Variants in BCKDHB observed in about 807,000 individuals in gnomAD.
BCKDHB encodes 2-oxoisovalerate dehydrogenase subunit beta, mitochondrial.
A neutral mutation model predicts 48.5 loss-of-function variants in BCKDHB; 41 were observed. The ratio of observed to expected loss-of-function variants is 0.85; its 90% confidence interval spans 0.66 to 1.10. BCKDHB has a LOEUF of 1.10. Among genes scored for constraint, BCKDHB ranks in the 50% least tolerant of loss-of-function variants. BCKDHB has a pLI of 0.00. For missense variants in BCKDHB, 496 were observed against 494.2 expected, an observed-to-expected ratio of 1.00 and a Z score of -0.03; for synonymous variants, 201 against 174.8, an observed-to-expected ratio of 1.15 and a Z score of -1.18.
intron 8 of BCKDHB, among the ~76,000 whole-genome samples, chr6:80,223,519 T>C (rs181315517): frequency 6.4e-4 from 97 of 152,330 alleles, no homozygotes; most frequent in African/African-American, 2.3e-3. Flanking sequence ...GCTCTTACTA[T>C]TTTTTCTTTA....
At chr6:80,162,306 A>G (rs1318705821) in intron 3 of BCKDHB, among the ~76,000 whole-genome samples, 1 of 152,198 alleles carries the variant, frequency 6.6e-6, no homozygotes, top group African/African-American at 2.4e-5. Flanking sequence ...ATAAGCTCTT[A>G]TCACTGCATA....
At chr6:80,314,678 C>T (rs779505653) in intron 9 of BCKDHB, among the ~76,000 whole-genome samples, 3 of 152,178 alleles carry the variant, frequency 2.0e-5, no homozygotes, top group Non-Finnish European at 2.9e-5. Context: ...CTTCAAAGCC[C>T]GCAGGCTGGA....
At chr6:80,409,378 G>A in the BCKDHB span, among the ~76,000 whole-genome samples, 1 of 151,488 alleles carries the variant, frequency 6.6e-6, no homozygotes, top group Non-Finnish European at 1.5e-5. Context: ...GGAGAGTTCT[G>A]TAGATGTCTA....
chr6:80,425,013 G>A, the BCKDHB span, among the ~76,000 whole-genome samples: 2 of 152,274 alleles, frequency 1.3e-5, no homozygotes, highest in Non-Finnish European at 1.5e-5. Flanking sequence ...ATGCAAAGAA[G>A]AGGAATGGCC....
intron 3 of BCKDHB, among the ~76,000 whole-genome samples, chr6:80,160,172 T>C (rs1772242026): frequency 6.6e-6 from 1 of 152,188 alleles, no homozygotes; most frequent in South Asian, 2.1e-4. Flanking sequence ...CTTTTTCGTT[T>C]TCTTTTTTTT....
intron 9 of BCKDHB, among the ~76,000 whole-genome samples, chr6:80,336,486 C>CAA (rs145593158): frequency 7.4e-6 from 1 of 134,906 alleles, no homozygotes; most frequent in African/African-American, 2.7e-5. Context: ...GAAATCTTAG[C>CAA]AAAAAAAACC....
intron 1 of BCKDHB, among the ~76,000 whole-genome samples, chr6:80,126,593 C>T (rs776781240): frequency 5.3e-5 from 8 of 152,062 alleles, no homozygotes; most frequent in Non-Finnish European, 1.2e-4. Context: ...CGACTACCAG[C>T]GTGTAGATCA....
intron 1 of BCKDHB, among the ~76,000 whole-genome samples, chr6:80,116,498 T>C (rs1275141363): frequency 6.6e-6 from 1 of 152,252 alleles, no homozygotes; most frequent in Non-Finnish European, 1.5e-5. Context: ...CATTTAAGGA[T>C]ACCAGTCCTC....
intron 9 of BCKDHB, among the ~76,000 whole-genome samples, chr6:80,330,948 T>A (rs1769294313): frequency 6.6e-6 from 1 of 152,228 alleles, no homozygotes; most frequent in Non-Finnish European, 1.5e-5. Flanking sequence ...ATTTTGCTAT[T>A]TTTGCATTTA....
At chr6:80,265,181 A>T (rs528482053) in intron 8 of BCKDHB, among the ~76,000 whole-genome samples, 1 of 152,210 alleles carries the variant, frequency 6.6e-6, no homozygotes, top group South Asian at 2.1e-4. Flanking sequence ...TTATGGCATG[A>T]CCCAGCAATT....
At chr6:80,243,247 G>A (rs1482160838) in intron 8 of BCKDHB, among the ~76,000 whole-genome samples, 1 of 152,094 alleles carries the variant, frequency 6.6e-6, no homozygotes, top group Non-Finnish European at 1.5e-5. Context: ...GGCTTATTAT[G>A]TTTCATTCTT....
the BCKDHB span, among the ~76,000 whole-genome samples, chr6:80,399,141 C>T: frequency 6.6e-6 from 1 of 152,044 alleles, no homozygotes; most frequent in Non-Finnish European, 1.5e-5. Flanking sequence ...AACCCACAGC[C>T]AACATCATAC....
chr6:80,402,268 A>G, the BCKDHB span, among the ~76,000 whole-genome samples: 1 of 151,742 alleles, frequency 6.6e-6, no homozygotes, highest in Non-Finnish European at 1.5e-5. Context: ...CCACATCCTC[A>G]TCAATACTTT....
chr6:80,134,227 A>G (rs1354273654), intron 3 of BCKDHB, among the ~76,000 whole-genome samples: 2 of 152,194 alleles, frequency 1.3e-5, no homozygotes, highest in Non-Finnish European at 2.9e-5. Context: ...GAATTAGTCT[A>G]CAGGCCTAAA....
At chr6:80,320,603 G>C (rs187821683) in intron 9 of BCKDHB, among the ~76,000 whole-genome samples, 61 of 152,288 alleles carry the variant, frequency 4.0e-4, no homozygotes, top group South Asian at 3.3e-3. Flanking sequence ...TTCCAGGGTG[G>C]AGGCCTGTAG....
intron 9 of BCKDHB, among the ~76,000 whole-genome samples, chr6:80,327,657 A>G (rs890747352): frequency 6.6e-6 from 1 of 152,132 alleles, no homozygotes; most frequent in Non-Finnish European, 1.5e-5. Flanking sequence ...TGTACCTCGT[A>G]TTTGAGGAAT....
chr6:80,240,269 C>G (rs1459780657), intron 8 of BCKDHB, among the ~76,000 whole-genome samples: 3 of 152,112 alleles, frequency 2.0e-5, no homozygotes, highest in Non-Finnish European at 4.4e-5. Context: ...TTGATTCCTC[C>G]TATCCATGAG....
chr6:80,278,798 C>T (rs1376892554), intron 9 of BCKDHB, among the ~76,000 whole-genome samples: 1 of 151,952 alleles, frequency 6.6e-6, no homozygotes, highest in Non-Finnish European at 1.5e-5. Flanking sequence ...ACCTTGTGAT[C>T]CACCGACCTC....
At chr6:80,304,497 G>A (rs577055942) in intron 9 of BCKDHB, among the ~76,000 whole-genome samples, 1 of 152,198 alleles carries the variant, frequency 6.6e-6, no homozygotes, top group African/African-American at 2.4e-5. Flanking sequence ...CTTAATGATA[G>A]CACTAGGCTC....
Sources: allele counts gnomAD v4.1 joint callset (sites outside exome capture counted in the v4.1 genomes callset), GRCh38; gene constraint gnomAD v4.1.1; transcripts MANE v1.5; gene names NCBI Gene and HGNC (gene_info 2026-07-23, HGNC 2026-07-21).